The following NCKAP5 variants were observed in gnomAD, a reference collection of about 807,000 sequenced individuals.
The protein encoded by NCKAP5 is nck-associated protein 5.
A neutral mutation model predicts 167.0 loss-of-function variants in NCKAP5; 92 were observed. The ratio of observed to expected loss-of-function variants is 0.55; its 90% confidence interval spans 0.47 to 0.66. The LOEUF is 0.66. Ranked by LOEUF, NCKAP5 falls within the 30% of genes least tolerant of loss-of-function variation. The pLI is 0.00. For missense variants in NCKAP5, 2,378 were observed against 2,315.0 expected (o/e 1.03, Z -0.56); for synonymous variants, 891 against 877.4 (o/e 1.02, Z -0.27).
intron 17 of NCKAP5, among the ~76,000 whole-genome samples, chr2:132,730,409 CA>C (rs1690881765): frequency 6.6e-6 from 1 of 152,178 alleles, no homozygotes; most frequent in African/African-American, 2.4e-5. Context: ...GCAAGAGACT[CA>C]GCTGAATCCA....
rs751280659 is a variant in NCKAP5 at position 132,731,825 on chromosome 2, G to A, written c.5355C>T (p.Ser1785=). Residue 1785 remains serine (S), a synonymous_variant, in exon 17 of 20, where the codon AGC becomes AGT. Transcript: ENST00000409261. ...SSTDGQRPAD[S]AIVHSTSDPI... ...GGTCGGATGTGGAATGAACAATGGC[G>A]CTATCTGCAGGGCGCTGGCCGTCTG... 7.4e-6 allele frequency: 12 copies of A among 1,613,800 alleles called. No individual in the cohort carries two copies. The highest frequency in any genetic ancestry group is 1.6e-4 in the Middle Eastern group (1 of 6,084).
At chr2:132,753,107 A>G (rs1680251856) in intron 16 of NCKAP5, among the ~76,000 whole-genome samples, 1 of 152,222 alleles carries the variant, frequency 6.6e-6, no homozygotes, top group African/African-American at 2.4e-5. Context: ...ATGTTTGACC[A>G]AATATCTGGG....
chr2:133,183,950 T>C (rs567921801), intron 5 of NCKAP5, among the ~76,000 whole-genome samples: 1 of 152,120 alleles, frequency 6.6e-6, no homozygotes, highest in Admixed American at 6.6e-5. Context: ...ACAAAATTTA[T>C]ATTTTTATTT....
chr2:133,238,102 C>G (rs1306742124), intron 4 of NCKAP5, among the ~76,000 whole-genome samples: 2 of 152,176 alleles, frequency 1.3e-5, no homozygotes, highest in African/African-American at 4.8e-5. Context: ...GGTTAACTCA[C>G]TTAGTCAAGT....
chr2:133,652,270 T>A, the NCKAP5 span, among the ~76,000 whole-genome samples: 76,732 of 152,070 alleles, frequency 0.5, 21,368 homozygotes, highest in East Asian at 0.79. Context: ...TATGTATTAC[T>A]TATTAAATAT....
rs140327922 is a variant in NCKAP5, at chr2:133,177,593, C to A, written c.207+36123G>T. Among the ~76,000 whole-genome samples the A allele has an allele frequency of 1.6e-3, 251 of 152,288 alleles. 1 individual carries two copies. The highest frequency in any genetic ancestry group is 5.8e-3 in the African/African-American group (243 of 41,552). On this transcript the variant is annotated intron_variant, in intron 5 of 19. Coordinates refer to ENST00000409261, the MANE Select transcript of NCKAP5 (RefSeq NM_207363.3). ...CCCCAACTGTTTGGCTACTTTCATA[C>A]CACAGGTTTGTAAAACTGTGGTCTA...
chr2:133,311,338 A>C (rs1681215551), intron 3 of NCKAP5, among the ~76,000 whole-genome samples: 1 of 152,244 alleles, frequency 6.6e-6, no homozygotes, highest in African/African-American at 2.4e-5. Flanking sequence ...TAGATGGAAG[A>C]GCTGCATAGG....
chr2:132,684,127 A>ACTT (rs1385613358), intron 19 of NCKAP5, among the ~76,000 whole-genome samples: 5 of 152,218 alleles, frequency 3.3e-5, no homozygotes, highest in Non-Finnish European at 7.3e-5. Context: ...ATAAAAATAA[A>ACTT]CTTCATTTTT....
chr2:133,004,419 A>G (rs1055037816), intron 6 of NCKAP5, among the ~76,000 whole-genome samples: 1 of 152,184 alleles, frequency 6.6e-6, no homozygotes, highest in Admixed American at 6.5e-5. Context: ...AAGAGTACAA[A>G]GAGAGAAATT....
At chr2:133,613,889 T>C in the NCKAP5 span, among the ~76,000 whole-genome samples, 2 of 152,200 alleles carry the variant, frequency 1.3e-5, no homozygotes, top group Admixed American at 6.5e-5. Flanking sequence ...ACAGTACTCC[T>C]TTTCCTTGTG....
intron 3 of NCKAP5, among the ~76,000 whole-genome samples, chr2:133,386,899 G>C (rs1313769283): frequency 6.6e-6 from 1 of 151,950 alleles, no homozygotes; most frequent in Non-Finnish European, 1.5e-5. Context: ...CTTTTGCTTG[G>C]TAGATCATCC....
chr2:132,872,967 AGAT>A (rs1354139678), intron 9 of NCKAP5, among the ~76,000 whole-genome samples: 1 of 152,224 alleles, frequency 6.6e-6, no homozygotes, highest in Non-Finnish European at 1.5e-5. Flanking sequence ...AAAAGGCATG[AGAT>A]GATAGACATA....
chr2:132,952,601 G>A (rs2076221489), intron 8 of NCKAP5, among the ~76,000 whole-genome samples: 1 of 152,182 alleles, frequency 6.6e-6, no homozygotes, highest in Non-Finnish European at 1.5e-5. Flanking sequence ...CAATGGAGAT[G>A]CTAATAAAAC....
At chr2:133,574,603 CTTTTTTT>C in the NCKAP5 span, among the ~76,000 whole-genome samples, 9 of 127,222 alleles carry the variant, frequency 7.1e-5, no homozygotes, top group South Asian at 5.0e-4. Context: ...TTCTTCTTTC[CTTTTTTT>C]TTTTTTTTTT....
intron 8 of NCKAP5, among the ~76,000 whole-genome samples, chr2:132,908,677 C>A (rs1242073538): frequency 6.6e-6 from 1 of 152,102 alleles, no homozygotes; most frequent in East Asian, 1.9e-4. Context: ...TTACTATAGT[C>A]CACTGTTGCA....
intron 6 of NCKAP5, among the ~76,000 whole-genome samples, chr2:133,018,909 C>T (rs575925170): frequency 6.6e-6 from 1 of 152,322 alleles, no homozygotes; most frequent in East Asian, 1.9e-4. Flanking sequence ...AAAAGACTTT[C>T]TACCCTTTAG....
intron 5 of NCKAP5, among the ~76,000 whole-genome samples, chr2:133,136,707 AG>A (rs1190707252): frequency 6.6e-6 from 1 of 152,238 alleles, no homozygotes; most frequent in Non-Finnish European, 1.5e-5. Context: ...AAATGAATAG[AG>A]GCCATTAGAG....
At chr2:133,501,072 G>C (rs1371183051) in intron 3 of NCKAP5, among the ~76,000 whole-genome samples, 1 of 152,188 alleles carries the variant, frequency 6.6e-6, no homozygotes, top group Non-Finnish European at 1.5e-5. Flanking sequence ...GAACTGGACA[G>C]ATCGCTGGGC....
At chr2:133,447,316 G>A (rs938303831) in intron 3 of NCKAP5, among the ~76,000 whole-genome samples, 1 of 152,152 alleles carries the variant, frequency 6.6e-6, no homozygotes, top group Non-Finnish European at 1.5e-5. Context: ...CCTTGCACTC[G>A]TGCTTTTAGT....
Sources: gnomAD v4.1 joint callset for allele counts (sites outside exome capture counted in the v4.1 genomes callset) on GRCh38, gnomAD v4.1.1 for gene constraint, MANE v1.5 for transcripts, NCBI Gene and HGNC (gene_info 2026-07-23, HGNC 2026-07-21) for gene names.